The following KDM4B variants were observed in gnomAD, a reference collection of about 807,000 sequenced individuals.
KDM4B encodes the protein lysine demethylase 4B.
KDM4B carries 32 observed loss-of-function variants against 125.2 expected under a neutral mutation model. The observed-to-expected ratio is 0.26, with a 90% CI of 0.19 to 0.34. The LOEUF (loss-of-function observed/expected upper bound fraction) is 0.34, where lower values mean the gene tolerates loss of function less well. KDM4B is among the 10% of genes least tolerant of loss of function. The probability of loss-of-function intolerance (pLI) is 1.00; values close to 1 mark genes in which losing one functional copy is unlikely to be tolerated. For synonymous variants in KDM4B, 721 were observed against 677.9 expected, an observed-to-expected ratio of 1.06 and a Z score of -0.99; for missense variants, 1,190 against 1,577.7, an observed-to-expected ratio of 0.75 and a Z score of 4.16.
intron 9 of KDM4B, among the ~76,000 whole-genome samples, chr19:5,104,290 A>G (rs1790739409): frequency 6.6e-6 from 1 of 152,208 alleles, no homozygotes; most frequent in African/African-American, 2.4e-5. Flanking sequence ...TTTGTCTCCC[A>G]GTTACACTGT....
intron 9 of KDM4B, among the ~76,000 whole-genome samples, chr19:5,103,623 G>A (rs560677192): frequency 2.6e-5 from 4 of 152,292 alleles, no homozygotes; most frequent in East Asian, 1.9e-4. Context: ...CATCAATCCC[G>A]GGCCTGTCAT....
intron 1 of KDM4B, among the ~76,000 whole-genome samples, chr19:4,983,940 T>C (rs1437503774): frequency 5.3e-5 from 8 of 152,088 alleles, no homozygotes; most frequent in Non-Finnish European, 1.2e-4. Flanking sequence ...CAGGTCCCGC[T>C]TCAAGGCTGG....
chr19:5,133,291 C>T (rs1037082603), intron 13 of KDM4B, among the ~76,000 whole-genome samples: 14 of 152,336 alleles, frequency 9.2e-5, no homozygotes, highest in East Asian at 1.9e-4. Flanking sequence ...GTCCCCGTCA[C>T]GCAGCTCTTC....
At chr19:5,061,398 A>G (rs1474219196) in intron 6 of KDM4B, among the ~76,000 whole-genome samples, 1 of 152,238 alleles carries the variant, frequency 6.6e-6, no homozygotes, top group African/African-American at 2.4e-5. Flanking sequence ...CATTAAAGAT[A>G]AAGCCACTGC....
intron 6 of KDM4B, among the ~76,000 whole-genome samples, chr19:5,048,091 G>T: frequency 6.6e-6 from 1 of 152,298 alleles, no homozygotes; most frequent in Non-Finnish European, 1.5e-5. Context: ...CCGCTCCCTC[G>T]CAGTCTCCGC....
At chr19:5,030,759 T>C (rs1568240014) in intron 2 of KDM4B, among the ~76,000 whole-genome samples, 1 of 152,230 alleles carries the variant, frequency 6.6e-6, no homozygotes, top group East Asian at 1.9e-4. Context: ...GCCTCCTCAA[T>C]AAGCTCAGTC....
chr19:5,044,227 G>A (rs563082658), intron 5 of KDM4B, among the ~76,000 whole-genome samples: 4 of 35,960 alleles, frequency 1.1e-4, no homozygotes, highest in African/African-American at 2.8e-4. Context: ...CTTATCCCGC[G>A]TGGTGTTTAT....
At position 5,135,545 on chromosome 19, in the gene KDM4B, C is replaced by A; in HGVS notation, c.2292C>A (p.Cys764Ter). ...CCCTGATCGCCTGCGGCAAGTGCTG[C>A]CTGCAGGTCCATGCCAGTGAGTGCC... is the stretch of plus-strand genomic sequence containing the variant. Reference protein sequence around the residue: ...TSPLIACGKCCLQVHASCYGI... With the variant: ...TSPLIACGKC The change falls in exon 15 of 23, where the codon TGC (cysteine) becomes TGA (stop). Residue 764 changes from cysteine to a stop codon, truncating the protein, a stop_gained. Coordinates refer to ENST00000159111, the MANE Select transcript of KDM4B (RefSeq NM_015015.3). LOFTEE classifies it high-confidence loss of function. 1 of 1,600,378 alleles carries A rather than the reference C, an allele frequency of 6.2e-7. No homozygotes were observed. The highest frequency in any genetic ancestry group is 8.5e-7 in the Non-Finnish European group (1 of 1,175,166).
intron 4 of KDM4B, 78 bp downstream of exon 4, chr19:5,040,089 A>G (rs1158855442): frequency 1.4e-6 from 2 of 1,448,738 alleles, no homozygotes; most frequent in African/African-American, 2.8e-5. Flanking sequence ...GGGGCAGAGA[A>G]GGTGCGGTAC....
At chr19:4,974,984 G>A (rs1250965897) in intron 1 of KDM4B, among the ~76,000 whole-genome samples, 2 of 151,844 alleles carry the variant, frequency 1.3e-5, no homozygotes, top group African/African-American at 2.4e-5. Flanking sequence ...CTTCCCTGCC[G>A]CAGGACCTGT....
intron 1 of KDM4B, among the ~76,000 whole-genome samples, chr19:4,995,250 G>A (rs1156983250): frequency 6.6e-6 from 1 of 152,008 alleles, no homozygotes; most frequent in Non-Finnish European, 1.5e-5. Flanking sequence ...TGAAACTGAT[G>A]AGTTTGTAGC....
chr19:5,092,585 C>T (rs1230840883), intron 9 of KDM4B, among the ~76,000 whole-genome samples: 2 of 152,234 alleles, frequency 1.3e-5, no homozygotes, highest in Non-Finnish European at 2.9e-5. Flanking sequence ...CGGCAGCCCC[C>T]AGTCTTCTCT....
intron 7 of KDM4B, among the ~76,000 whole-genome samples, chr19:5,071,890 C>T (rs527492774): frequency 1.3e-4 from 20 of 152,334 alleles, no homozygotes; most frequent in East Asian, 1.2e-3. Context: ...TCCTCCCTCC[C>T]GCTGGTCCAT....
chr19:5,077,608 G>A, intron 8 of KDM4B, 138 bp downstream of exon 8: 1 of 682,006 alleles, frequency 1.5e-6, no homozygotes, highest in South Asian at 1.8e-5. Flanking sequence ...GCCAGAGGAG[G>A]GCCGCATGGC....
chr19:5,014,495 C>G (rs2035829906), intron 1 of KDM4B, among the ~76,000 whole-genome samples: 1 of 151,920 alleles, frequency 6.6e-6, no homozygotes, highest in Non-Finnish European at 1.5e-5. Context: ...CCAGGATGGT[C>G]CGATCTCCTG....
At chr19:5,077,693 C>A (rs571851560) in intron 8 of KDM4B, 3 of 532,110 alleles carry the variant, frequency 5.6e-6, no homozygotes, top group African/African-American at 3.8e-5. Flanking sequence ...TGTTAACCTC[C>A]CCTCCCAAAC....
intron 6 of KDM4B, among the ~76,000 whole-genome samples, chr19:5,059,277 C>T (rs1187657002): frequency 1.3e-5 from 2 of 152,236 alleles, no homozygotes; most frequent in Admixed American, 6.5e-5. Context: ...ATGGCTTCCT[C>T]CCCTCCACAC....
intron 9 of KDM4B, among the ~76,000 whole-genome samples, chr19:5,089,202 A>G (rs2145905452): frequency 6.6e-6 from 1 of 152,346 alleles, no homozygotes. Context: ...GAAACTGTCC[A>G]GAAACATCCT....
intron 10 of KDM4B, chr19:5,119,323 C>T: frequency 2.4e-6 from 2 of 818,688 alleles, no homozygotes; most frequent in Non-Finnish European, 3.9e-6. Context: ...GCACACGCGG[C>T]TCCTGCCGCC....
Sources: allele counts gnomAD v4.1 joint callset (sites outside exome capture counted in the v4.1 genomes callset), GRCh38; gene constraint gnomAD v4.1.1; transcripts MANE v1.5; gene names NCBI Gene and HGNC (gene_info 2026-07-23, HGNC 2026-07-21).